The following FUNDC1 variants were observed in gnomAD, a reference collection of about 807,000 sequenced individuals.
FUNDC1 encodes the protein FUN14 domain-containing protein 1.
FUNDC1 carries 10 observed loss-of-function variants against 14.5 expected under a neutral mutation model. The observed-to-expected ratio is 0.69, with a 90% CI of 0.43 to 1.17. The LOEUF is 1.17. Among genes scored for constraint, FUNDC1 ranks in the 50% most tolerant of loss-of-function variants. The pLI is 0.00. For missense variants in FUNDC1, 115 were observed against 113.8 expected (o/e 1.01, Z -0.05); for synonymous variants, 33 against 39.7 (o/e 0.83, Z 0.64).
chrX:44,527,197 GGA>G, intron 4 of FUNDC1, 38 bp downstream of exon 4: 1 of 980,394 alleles, frequency 1.0e-6, no homozygotes, highest in Non-Finnish European at 1.4e-6. Flanking sequence ...ACCAAAAAAA[GGA>G]AAAAAAAAAA....
chrX:44,526,499 G>A (rs1020355031), intron 4 of FUNDC1, among the ~76,000 whole-genome samples: 4 of 107,754 alleles, frequency 3.7e-5, no homozygotes, highest in African/African-American at 6.7e-5. Flanking sequence ...GGGGGGGGGC[G>A]TATTCATAGT....
Position 44,531,303 on chromosome X carries a change from T to A in FUNDC1, c.262-3938A>T, listed in dbSNP as rs1375863774. Among the ~76,000 whole-genome samples, 16 of 26,869 alleles carry A rather than the reference T, an allele frequency of 6.0e-4. 1 individual carries two copies. The highest frequency in any genetic ancestry group is 1.6e-3 in the South Asian group (1 of 612). The allele number at this position is 26,869 out of a possible 115,157, so 23.3% of individuals were successfully genotyped here. On this transcript the variant is annotated intron_variant, in intron 3 of 4. Coordinates refer to ENST00000378045, the MANE Select transcript of FUNDC1 (RefSeq NM_173794.4). ...ACACACACGGCTTTCAGATGAAGAT[T>A]CATGTTGGCCAGACACACACACACA...
chrX:44,539,957 G>A (rs921671187), intron 2 of FUNDC1, among the ~76,000 whole-genome samples: 3 of 110,878 alleles, frequency 2.7e-5, no homozygotes, highest in Non-Finnish European at 5.7e-5. Context: ...GTAAGCCACC[G>A]CACCTGGCCT....
At chrX:44,541,695 A>AT (rs1468822859) in intron 2 of FUNDC1, among the ~76,000 whole-genome samples, 1 of 111,551 alleles carries the variant, frequency 9.0e-6, no homozygotes, top group Non-Finnish European at 1.9e-5. Flanking sequence ...GAATGGGGAA[A>AT]TTATATAAAG....
intron 4 of FUNDC1, 63 bp from the exon 5 acceptor site, chrX:44,524,338 CATT>C (rs1401013586): frequency 2.6e-6 from 2 of 758,945 alleles, no homozygotes; most frequent in Non-Finnish European, 4.0e-6. Context: ...ACCTTGAAAA[CATT>C]ATGCAAAGTG....
In FUNDC1 at chrX:44,538,981, T is replaced by G. The variant is rs768498060; in HGVS notation, c.186-439A>C. On this transcript the variant is annotated intron_variant, in intron 2 of 4. Transcript: ENST00000378045. ...CCTCCAAATAGGTCATCACCTTTGC[T>G]CAAGCTATTAATCTCCCTGCTTCTA... Among the ~76,000 whole-genome samples the G allele has an allele frequency of 4.5e-5, 5 of 111,496 alleles. No homozygotes were observed. In the South Asian group the frequency reaches 1.1e-3, roughly 25 times the overall value.
chrX:44,535,952 C>T (rs1271270728), intron 3 of FUNDC1, among the ~76,000 whole-genome samples: 4 of 104,104 alleles, frequency 3.8e-5, no homozygotes, highest in Admixed American at 1.1e-4. Context: ...TGCCATTGCA[C>T]TCCAACCTAG....
intron 1 of FUNDC1, among the ~76,000 whole-genome samples, 164 bp downstream of exon 1, chrX:44,542,641 G>C (rs866391091): frequency 1.8e-5 from 2 of 109,944 alleles, no homozygotes. Context: ...TCCGCAGAGA[G>C]GGGAGGAAAA....
Position 44,542,816 on chromosome X carries a change from G to T in FUNDC1, c.17C>A (p.Pro6His), listed in dbSNP as rs766790031. 11 of 1,167,851 alleles carry T rather than the reference G, an allele frequency of 9.4e-6. No individual in the cohort carries two copies. In the Middle Eastern group the frequency reaches 7.1e-4, roughly 75 times the overall value. The change falls in exon 1 of 5, where the codon CCC becomes CAC. Residue 6 changes from proline (P) to histidine (H), a missense_variant. By Grantham distance (77) the Pro-to-His change is moderately conservative. Transcript: ENST00000378045. MATRN[P>H]PPQDYESDDD... ...CCCTGGCCGCTCACCTTGGGGAGGGGGGTTCCGGGTCGCCATGATACCGCC... is the reference window on the plus strand; with the variant it reads ...CCCTGGCCGCTCACCTTGGGGAGGGTGGTTCCGGGTCGCCATGATACCGCC...
chrX:44,532,430 A>C (rs1361192000), intron 3 of FUNDC1, among the ~76,000 whole-genome samples: 1 of 106,925 alleles, frequency 9.4e-6, no homozygotes. Context: ...CCAAGAGTAC[A>C]GTATGAAAAG....
At chrX:44,530,733 TGGTGAAACTATGTC>T (rs2038919068) in intron 3 of FUNDC1, among the ~76,000 whole-genome samples, 1 of 110,248 alleles carries the variant, frequency 9.1e-6, no homozygotes, top group South Asian at 3.9e-4. Flanking sequence ...CATGTCAACA[TGGTGAAACTATGTC>T]AGTGAAACTA....
chrX:44,527,369 C>CA lies in FUNDC1; in HGVS notation c.262-5dup. ...CATAGCCACTATGACTAGCAATCTGCAAAAAATATAATAAAAATTATCAAT... is the reference window on the plus strand; with the variant it reads ...CATAGCCACTATGACTAGCAATCTGCAAAAAAATATAATAAAAATTATCAAT... On this transcript the variant is annotated splice_polypyrimidine_tract_variant and splice_region_variant and intron_variant, in intron 3 of 4. Transcript: ENST00000378045. The CA allele has an allele frequency of 1.7e-6, 2 of 1,160,913 alleles. No homozygotes were observed. Among genetic ancestry groups the CA allele is most frequent in the Non-Finnish European group, 2.3e-6 (2 of 864,598 alleles).
Position 44,523,884 on chromosome X carries a change from T to C in FUNDC1, c.*314A>G. ...CTAAGCAATAAACCCAACATATTTC[T>C]TTTCTCTCCATATCTACATCCAATG... On this transcript the variant is annotated 3_prime_UTR_variant, in exon 5 of 5. Transcript: ENST00000378045. 5.2e-6 allele frequency: 1 copy of C among 192,572 alleles called. No homozygotes were observed. The highest frequency in any genetic ancestry group is 9.6e-6 in the Non-Finnish European group (1 of 104,650). 15.9% of individuals were successfully genotyped at this position (192,572 alleles called of 1,213,427 possible).
intron 3 of FUNDC1, among the ~76,000 whole-genome samples, chrX:44,533,790 A>G (rs906626887): frequency 3.7e-5 from 4 of 109,398 alleles, no homozygotes; most frequent in Admixed American, 3.0e-4. Flanking sequence ...ACAGCCGGGC[A>G]TGGTGGCTCA....
intron 4 of FUNDC1, 95 bp from the exon 5 acceptor site, chrX:44,524,370 A>C (rs983860151): frequency 1.7e-6 from 1 of 571,584 alleles, no homozygotes; most frequent in Non-Finnish European, 3.0e-6. Context: ...TAGACAAAAA[A>C]GAACAGATAT....
intron 2 of FUNDC1, among the ~76,000 whole-genome samples, chrX:44,538,964 T>C (rs1364818308): frequency 5.4e-5 from 6 of 111,170 alleles, no homozygotes; most frequent in African/African-American, 2.0e-4. Context: ...AACCTCCAAA[T>C]AGGTCATCAC....
chrX:44,524,427 A>C, intron 4 of FUNDC1, 152 bp from the exon 5 acceptor site: 1 of 437,269 alleles, frequency 2.3e-6, no homozygotes, highest in Non-Finnish European at 4.0e-6. Context: ...AATACAGATC[A>C]TTAAGAGCTG....
chrX:44,530,762 C>G (rs555837613), intron 3 of FUNDC1, among the ~76,000 whole-genome samples: 1 of 105,888 alleles, frequency 9.4e-6, no homozygotes, highest in Non-Finnish European at 1.9e-5. Context: ...AAACTAAAAA[C>G]ACAAAAAACT....
rs745791398 is a variant in FUNDC1 at position 44,526,843 on chromosome X, A to G, written c.390+394T>C. Among the ~76,000 whole-genome samples, 3 of 111,405 alleles carry G rather than the reference A, an allele frequency of 2.7e-5. No individual in the cohort carries two copies. In the East Asian group the frequency reaches 8.4e-4, roughly 31 times the overall value. On this transcript the variant is annotated intron_variant, in intron 4 of 4. Coordinates refer to ENST00000378045, the MANE Select transcript of FUNDC1 (RefSeq NM_173794.4). ...AAAGGGTCAAATTACACCTGAAAAC[A>G]TTAATAAAATATATTAATCATATTA...
Sources: gnomAD v4.1 joint callset for allele counts (sites outside exome capture counted in the v4.1 genomes callset) on GRCh38, gnomAD v4.1.1 for gene constraint, MANE v1.5 for transcripts, NCBI Gene and HGNC (gene_info 2026-07-23, HGNC 2026-07-21) for gene names.